Variants in DOP1A observed in about 807,000 individuals in gnomAD.
DOP1A encodes DOP1 leucine zipper like protein A.
DOP1A carries 90 observed loss-of-function variants against 267.6 expected under a neutral mutation model. The observed-to-expected ratio is 0.34, with a 90% CI of 0.28 to 0.40. The LOEUF (loss-of-function observed/expected upper bound fraction) is 0.40. Ranked by LOEUF, DOP1A falls within the 10% of genes least tolerant of loss-of-function variation. DOP1A has a pLI of 1.00. For synonymous variants in DOP1A, 932 were observed against 999.1 expected, an observed-to-expected ratio of 0.93 and a Z score of 1.27; for missense variants, 2,437 against 2,900.4, an observed-to-expected ratio of 0.84 and a Z score of 3.67.
At chr6:83,149,889 A>T (rs780283868) in intron 27 of DOP1A, among the ~76,000 whole-genome samples, 1 of 152,122 alleles carries the variant, frequency 6.6e-6, no homozygotes, top group Non-Finnish European at 1.5e-5. Flanking sequence ...ACCTACAGAG[A>T]GGTTAAGGAA....
downstream of DOP1A, chr6:83,169,804 G>A (rs1367503289): frequency 2.2e-6 from 1 of 457,400 alleles, no homozygotes; most frequent in Non-Finnish European, 4.4e-6. Flanking sequence ...TATGTGAAGA[G>A]GCCAAATAAT....
At chr6:83,128,767 T>G in intron 15 of DOP1A, 120 bp from the exon 16 acceptor site, 3 of 1,171,668 alleles carry the variant, frequency 2.6e-6, no homozygotes, top group Non-Finnish European at 3.5e-6. Flanking sequence ...GCTTTAAGAG[T>G]CAACAGAATG....
Position 83,145,689 on chromosome 6 carries a change from A to T in DOP1A, c.5676+31A>T, listed in dbSNP as rs201817386. On this transcript the variant is annotated intron_variant, in intron 25 of 38. Coordinates refer to ENST00000349129, the MANE Select transcript of DOP1A (RefSeq NM_015018.4). The stretch of plus-strand genomic sequence containing the variant: ...AAAAAACTCTTCTTCACATGTGTTT[A>T]CAATTCTGTTTCAGAAATTATGCTG... 79 of 1,600,774 alleles carry T rather than the reference A, an allele frequency of 4.9e-5. 1 individual carries two copies. The East Asian group carries it at 1.7e-3, about 35-fold the overall frequency.
chr6:83,102,337 G>A (rs184658789), intron 4 of DOP1A, among the ~76,000 whole-genome samples: 258 of 152,296 alleles, frequency 1.7e-3, no homozygotes, highest in Non-Finnish European at 2.3e-3. Context: ...GTGGTTAAGA[G>A]AAGAGATGGC....
chr6:83,162,881 G>T lies in DOP1A; in HGVS notation c.7054G>T (p.Val2352Leu). ...GIHQREFKPY[V>L]VRLAKLLRKR... The stretch of plus-strand genomic sequence containing the variant: ...ACATCAACGAGAATTTAAACCTTAC[G>T]TGGTACGACTAGCAAAACTTCTTCG... Residue 2352 changes from valine (V) to leucine (L), a missense_variant, in exon 38 of 39, where the codon GTG becomes TTG. Val to Leu is a conservative substitution (Grantham distance 32, BLOSUM62 1). Around this residue, in one of 9 missense-constraint regions of DOP1A, gnomAD observed 197 missense variants for 246.5 expected, o/e 0.80. Transcript: ENST00000349129. 4 of 1,613,164 alleles carry T rather than the reference G, an allele frequency of 2.5e-6. No homozygotes were observed. The highest frequency in any genetic ancestry group is 3.4e-6 in the Non-Finnish European group (4 of 1,179,398).
In DOP1A at chr6:83,137,328, T is replaced by A. The variant is rs767276964; in HGVS notation, c.3286T>A (p.Phe1096Ile). 111 of 1,613,674 alleles carry A rather than the reference T, an allele frequency of 6.9e-5. No homozygotes were observed. Among genetic ancestry groups the A allele is most frequent in the Non-Finnish European group, 9.4e-5 (111 of 1,179,802 alleles). The change falls in exon 21 of 39, where the codon TTT (phenylalanine) becomes ATT (isoleucine). Residue 1096 changes from phenylalanine to isoleucine, a missense_variant. Phe to Ile is a conservative substitution (Grantham distance 21, BLOSUM62 0). Transcript: ENST00000349129. ...SETIPMVVSDFDLPDQQIEIL... is the reference protein window; with the variant it reads ...SETIPMVVSDIDLPDQQIEIL... ...GACAATTCCAATGGTTGTGTCTGAT[T>A]TTGATCTTCCAGACCAACAGATAGA...
intron 19 of DOP1A, 69 bp downstream of exon 19, chr6:83,134,356 T>C (rs1778543323): frequency 7.4e-7 from 1 of 1,343,360 alleles, no homozygotes; most frequent in Non-Finnish European, 1.0e-6. Flanking sequence ...TTGAGTCCAC[T>C]GTCTAGCTTG....
At chr6:83,091,625 A>G (rs1244440085) in intron 1 of DOP1A, among the ~76,000 whole-genome samples, 1 of 152,200 alleles carries the variant, frequency 6.6e-6, no homozygotes, top group Non-Finnish European at 1.5e-5. Flanking sequence ...TATCTGAAGG[A>G]TGTGTATGTT....
chr6:83,082,954 C>A (rs1367396051), intron 1 of DOP1A, among the ~76,000 whole-genome samples: 1 of 151,760 alleles, frequency 6.6e-6, no homozygotes, highest in Non-Finnish European at 1.5e-5. Flanking sequence ...ATTACAGGTG[C>A]CTGCCACCAC....
intron 8 of DOP1A, among the ~76,000 whole-genome samples, 188 bp from the exon 9 acceptor site, chr6:83,119,560 A>G (rs45489601): frequency 0.038 from 5,793 of 152,196 alleles, 182 homozygotes; most frequent in African/African-American, 0.073. Context: ...GAAGAATACT[A>G]TGATACTTAT....
chr6:83,106,513 G>A (rs1773629172), intron 4 of DOP1A, among the ~76,000 whole-genome samples: 1 of 151,918 alleles, frequency 6.6e-6, no homozygotes, highest in South Asian at 2.1e-4. Flanking sequence ...GTCAGAAATA[G>A]AAAATGTACC....
At chr6:83,072,100 C>T (rs1358788256) in intron 1 of DOP1A, among the ~76,000 whole-genome samples, 4 of 152,102 alleles carry the variant, frequency 2.6e-5, no homozygotes, top group East Asian at 1.9e-4. Context: ...CCTGAGATGA[C>T]ACCTTCTACT....
At chr6:83,105,390 A>T (rs1202213981) in intron 4 of DOP1A, among the ~76,000 whole-genome samples, 1 of 109,272 alleles carries the variant, frequency 9.2e-6, no homozygotes, top group Non-Finnish European at 1.7e-5. Flanking sequence ...TTTTTGAGAC[A>T]GTCTCGCTCT....
chr6:83,151,718 G>T, intron 28 of DOP1A, 59 bp downstream of exon 28: 1 of 1,520,070 alleles, frequency 6.6e-7, no homozygotes, highest in South Asian at 1.2e-5. Flanking sequence ...ATTTGAAAAT[G>T]AGAGAGTCAA....
intron 25 of DOP1A, among the ~76,000 whole-genome samples, chr6:83,145,984 T>G (rs910595670): frequency 2.9e-4 from 44 of 152,332 alleles, no homozygotes; most frequent in African/African-American, 8.9e-4. Flanking sequence ...GATTTGCTTC[T>G]CTCAGTTGTT....
chr6:83,159,734 T>G (rs975137650), intron 36 of DOP1A, 62 bp from the exon 37 acceptor site: 1 of 1,585,946 alleles, frequency 6.3e-7, no homozygotes, highest in African/African-American at 1.3e-5. Context: ...CTTTTAGATC[T>G]TTCCAGGAAT....
intron 18 of DOP1A, 46 bp downstream of exon 18, chr6:83,132,374 C>A: frequency 6.6e-7 from 1 of 1,515,218 alleles, no homozygotes; most frequent in Non-Finnish European, 8.9e-7. Flanking sequence ...GCCACACACA[C>A]ACACACACAC....
rs1163911921 is a variant in DOP1A at position 83,153,607 on chromosome 6, C to T, written c.6226C>T (p.Leu2076Phe). Residue 2076 changes from leucine (L) to phenylalanine (F), a missense_variant, in exon 31 of 39, where the codon CTC (leucine) becomes TTC (phenylalanine). Around this residue, in one of 9 missense-constraint regions of DOP1A, gnomAD observed 216 missense variants for 283.3 expected, o/e 0.76. Coordinates refer to ENST00000349129, the MANE Select transcript of DOP1A (RefSeq NM_015018.4). ...TATTATGCATTATGTTGTGCCCTAC[C>T]TCAGAAATCACAGGTACTATCATTA... is the stretch of plus-strand genomic sequence containing the variant. ...VNIMHYVVPY[L>F]RNHSAHNAPS... is the part of the protein sequence containing the mutation. The T allele has an allele frequency of 1.3e-6, 2 of 1,595,042 alleles. No individual in the cohort carries two copies. The highest frequency in any genetic ancestry group is 1.4e-5 in the African/African-American group (1 of 74,066).
At chr6:83,076,350 G>A (rs1004248936) in intron 1 of DOP1A, among the ~76,000 whole-genome samples, 4 of 151,888 alleles carry the variant, frequency 2.6e-5, no homozygotes, top group South Asian at 2.1e-4. Flanking sequence ...GGTGAAACCC[G>A]GTCTCTACTA....
Sources: allele counts gnomAD v4.1 joint callset (sites outside exome capture counted in the v4.1 genomes callset), GRCh38; gene constraint gnomAD v4.1.1; regional missense constraint gnomAD v4.1.1; transcripts MANE v1.5; gene names NCBI Gene and HGNC (gene_info 2026-07-23, HGNC 2026-07-21).